SMYD5: variants seen among roughly 807,000 people sequenced by gnomAD.
The protein encoded by SMYD5 is protein-lysine N-trimethyltransferase SMYD5.
SMYD5 carries 35 observed loss-of-function variants against 57.4 expected under a neutral mutation model. The observed-to-expected ratio is 0.61, with a 90% CI of 0.47 to 0.81. The LOEUF is 0.81. Among genes scored for constraint, SMYD5 ranks in the 30% least tolerant of loss-of-function variants. The pLI is 0.00. For missense variants in SMYD5, 471 were observed against 527.9 expected (o/e 0.89, Z 1.06); for synonymous variants, 198 against 189.7 (o/e 1.04, Z -0.36).
In SMYD5 at chr2:73,225,029, A is replaced by G. The variant is rs1044777910; in HGVS notation, c.1035+69A>G. 6 of 1,192,918 alleles carry G rather than the reference A, an allele frequency of 5.0e-6. No individual in the cohort carries two copies. In the Admixed American group the frequency reaches 7.3e-5, roughly 15 times the overall value. 73.9% of individuals were successfully genotyped at this position (1,192,918 alleles called of 1,614,324 possible). A position where few individuals can be genotyped will look rare whatever the true frequency, so the allele number is the denominator to read the frequency against. On this transcript the variant is annotated intron_variant, in intron 11 of 12. Coordinates refer to ENST00000389501, the MANE Select transcript of SMYD5 (RefSeq NM_006062.3). ...TTGGAAGTTCTCTGCAGGGATCAGG[A>G]GCAGCAGTGGCTAGAGCACCTTGAA...
intron 11 of SMYD5, 23 bp from the exon 12 acceptor site, chr2:73,225,608 G>A (rs1163928558): frequency 4.3e-6 from 7 of 1,611,376 alleles, no homozygotes; most frequent in South Asian, 1.1e-5. Flanking sequence ...CAGACCATCA[G>A]ACTGCACTTC....
intron 5 of SMYD5, among the ~76,000 whole-genome samples, 198 bp downstream of exon 5, chr2:73,221,432 CT>C (rs57627686): frequency 0.11 from 13,505 of 128,376 alleles, 627 homozygotes; most frequent in African/African-American, 0.18. Context: ...TGCCTGTAGT[CT>C]TTTTTTTTTT....
chr2:73,217,629 A>G (rs947157289), intron 1 of SMYD5, among the ~76,000 whole-genome samples: 3 of 152,098 alleles, frequency 2.0e-5, no homozygotes, highest in African/African-American at 7.2e-5. Context: ...GAGCTTCCAG[A>G]GTTGTTCACA....
At chr2:73,223,596 C>G in intron 9 of SMYD5, 64 bp downstream of exon 9, 1 of 1,115,366 alleles carries the variant, frequency 9.0e-7, no homozygotes, top group East Asian at 2.3e-5. Flanking sequence ...ATGGTGGACA[C>G]AAAGTCTTTC....
Position 73,222,734 on chromosome 2 carries a change from T to G in SMYD5, c.643-21T>G, listed in dbSNP as rs201091999. ...GGAAATCCCCAGGGATACAAGTCTCTCCCTGCTTCCTCTAATCCAGGGCCA... is the reference window on the plus strand; with the variant it reads ...GGAAATCCCCAGGGATACAAGTCTCGCCCTGCTTCCTCTAATCCAGGGCCA... On this transcript the variant is annotated intron_variant, in intron 6 of 12. Coordinates refer to ENST00000389501, the MANE Select transcript of SMYD5 (RefSeq NM_006062.3). 14 of 1,603,394 alleles carry G rather than the reference T, an allele frequency of 8.7e-6. No homozygotes were observed. The East Asian group carries it at 3.1e-4, about 36-fold the overall frequency.
chr2:73,220,701 A>C lies in SMYD5; in HGVS notation c.386A>C (p.Glu129Ala), dbSNP rs1686370422. The change falls in exon 4 of 13, where the codon GAG (glutamate) becomes GCG (alanine). Residue 129 changes from glutamate to alanine, a missense_variant. Coordinates refer to ENST00000389501, the MANE Select transcript of SMYD5 (RefSeq NM_006062.3). ...CSAECRLAATEQYHQVLCPGP... is the reference protein window; with the variant it reads ...CSAECRLAATAQYHQVLCPGP... ...GCAGAATGTCGGTTGGCAGCCACTG[A>C]GCAATACCACCAGGTCCTGTGCCCA... is the stretch of plus-strand genomic sequence containing the variant. 1 of 1,614,040 alleles carries C rather than the reference A, an allele frequency of 6.2e-7. No homozygotes were observed. The highest frequency in any genetic ancestry group is 1.7e-5 in the Admixed American group (1 of 60,016).
rs2303904 is a variant in SMYD5 at position 73,220,647 on chromosome 2, A to C, written c.346-14A>C. 5.6e-6 allele frequency: 9 copies of C among 1,613,482 alleles called. No homozygotes were observed. In the South Asian group the frequency reaches 9.9e-5, roughly 18 times the overall value. Reference sequence around the variant, plus strand: ...GCCAGATCCTTGGGTACTGACCTCTATCCCACCTAACAGGTGATGTACTGC... The same window carrying C: ...GCCAGATCCTTGGGTACTGACCTCTCTCCCACCTAACAGGTGATGTACTGC... On this transcript the variant is annotated splice_polypyrimidine_tract_variant and intron_variant, in intron 3 of 12. Transcript: ENST00000389501.
intron 1 of SMYD5, chr2:73,214,644 G>C (rs1686258498): frequency 6.7e-7 from 1 of 1,494,658 alleles, no homozygotes; most frequent in East Asian, 2.8e-5. Context: ...GCGGGGCTAG[G>C]GGGCTTTGCT....
intron 6 of SMYD5, among the ~76,000 whole-genome samples, 159 bp from the exon 7 acceptor site, chr2:73,222,596 C>T (rs1686416361): frequency 6.6e-6 from 1 of 152,214 alleles, no homozygotes; most frequent in African/African-American, 2.4e-5. Flanking sequence ...TGCCAAAGCT[C>T]TTTGGAGGTA....
intron 10 of SMYD5, among the ~76,000 whole-genome samples, chr2:73,224,421 G>T (rs1558553435): frequency 6.6e-6 from 1 of 152,062 alleles, no homozygotes; most frequent in Non-Finnish European, 1.5e-5. Flanking sequence ...GCCTTTTCCA[G>T]ACCTCAGCTT....
chr2:73,215,378 A>C (rs1216657848), intron 1 of SMYD5, among the ~76,000 whole-genome samples: 1 of 152,138 alleles, frequency 6.6e-6, no homozygotes, highest in African/African-American at 2.4e-5. Context: ...TAAGACCTCT[A>C]GTTGTCTGTT....
intron 1 of SMYD5, chr2:73,214,674 G>A: frequency 6.9e-7 from 1 of 1,440,654 alleles, no homozygotes; most frequent in South Asian, 1.2e-5. Flanking sequence ...CTGGAACGGT[G>A]GGCGGGGATG....
intron 8 of SMYD5, 46 bp from the exon 9 acceptor site, chr2:73,223,380 C>T (rs1466683611): frequency 7.6e-7 from 1 of 1,324,228 alleles, no homozygotes; most frequent in Non-Finnish European, 1.1e-6. Context: ...AGCCCTGTGA[C>T]CTGGGCTTCT....
chr2:73,221,069 G>T, intron 4 of SMYD5, 96 bp from the exon 5 acceptor site: 1 of 1,121,406 alleles, frequency 8.9e-7, no homozygotes, highest in Non-Finnish European at 1.4e-6. Flanking sequence ...TGATGGAATT[G>T]GTAGGAAGTT....
intron 6 of SMYD5, among the ~76,000 whole-genome samples, chr2:73,222,311 T>C (rs966525048): frequency 4.6e-5 from 7 of 152,196 alleles, no homozygotes; most frequent in African/African-American, 1.7e-4. Flanking sequence ...TCAAAGAGTA[T>C]GGGTCCTCAC....
chr2:73,218,934 C>A lies in SMYD5; in HGVS notation c.170C>A (p.Ala57Glu), dbSNP rs904469093. 2.5e-6 allele frequency: 4 copies of A among 1,614,016 alleles called. No homozygotes were observed. Among genetic ancestry groups the A allele is most frequent in the African/African-American group, 2.7e-5 (2 of 74,940 alleles). The change falls in exon 2 of 13, where the codon GCA becomes GAA. Residue 57 changes from alanine to glutamate, a missense_variant. Ala to Glu is a moderately radical substitution (Grantham distance 107). Coordinates refer to ENST00000389501, the MANE Select transcript of SMYD5 (RefSeq NM_006062.3). Reference sequence around the variant, plus strand: ...TTCGTAGAACGGCCCCTGGTGGCTGCACAGTTTCTCTGGAATGCACTTTAT... The same window carrying A: ...TTCGTAGAACGGCCCCTGGTGGCTGAACAGTTTCTCTGGAATGCACTTTAT... ...TIFVERPLVA[A>E]QFLWNALYRY...
chr2:73,217,658 C>G (rs1255939890), intron 1 of SMYD5, among the ~76,000 whole-genome samples: 1 of 152,148 alleles, frequency 6.6e-6, no homozygotes, highest in African/African-American at 2.4e-5. Context: ...ATTTTTCGCT[C>G]TGAATTTGAG....
At chr2:73,220,587 G>A in intron 3 of SMYD5, 74 bp from the exon 4 acceptor site, 2 of 1,562,254 alleles carry the variant, frequency 1.3e-6, no homozygotes, top group South Asian at 1.1e-5. Context: ...GGGGCTATTT[G>A]TGGAAGGAAT....
intron 2 of SMYD5, 40 bp from the exon 3 acceptor site, chr2:73,220,011 C>T: frequency 6.2e-7 from 1 of 1,613,984 alleles, no homozygotes; most frequent in Non-Finnish European, 8.5e-7. Flanking sequence ...GATGTGGCCT[C>T]TGCTCTCAAG....
Sources: gnomAD v4.1 joint callset for allele counts (sites outside exome capture counted in the v4.1 genomes callset) on GRCh38, gnomAD v4.1.1 for gene constraint, MANE v1.5 for transcripts, NCBI Gene and HGNC (gene_info 2026-07-23, HGNC 2026-07-21) for gene names.